The following TIAM1 variants were observed in gnomAD, a reference collection of about 807,000 sequenced individuals.
TIAM1 encodes the protein rho guanine nucleotide exchange factor TIAM1.
Under a neutral mutation model 163.5 loss-of-function variants are expected in TIAM1, and 65 were observed. The ratio of observed to expected loss-of-function variants is 0.40; its 90% CI spans 0.33 to 0.49. The LOEUF (loss-of-function observed/expected upper bound fraction) is 0.49, where lower values mean the gene tolerates loss of function less well. Ranked by LOEUF, TIAM1 falls within the 20% of genes least tolerant of loss-of-function variation. The probability of loss-of-function intolerance (pLI) is 0.77; values close to 1 mark genes in which losing one functional copy is unlikely to be tolerated. For missense variants in TIAM1, 1,789 were observed against 2,044.7 expected (o/e 0.87, Z 2.41); for synonymous variants, 833 against 810.1 (o/e 1.03, Z -0.48).
At chr21:31,460,619 C>T (rs758329739) in intron 2 of TIAM1, among the ~76,000 whole-genome samples, 1 of 152,172 alleles carries the variant, frequency 6.6e-6, no homozygotes, top group African/African-American at 2.4e-5. Context: ...GAGCGAGACT[C>T]TGTCTCAAAA....
chr21:31,245,429 A>G, intron 6 of TIAM1, 59 bp downstream of exon 6: 1 of 1,308,822 alleles, frequency 7.6e-7, no homozygotes. Context: ...CCTAGGCAAG[A>G]AAAGAAGGTA....
chr21:31,218,568 CA>C (rs112539898), intron 8 of TIAM1, among the ~76,000 whole-genome samples: 13 of 138,850 alleles, frequency 9.4e-5, no homozygotes, highest in Admixed American at 1.4e-4. Flanking sequence ...GACTCTTTCT[CA>C]AAAAAAAAAG....
chr21:31,197,214 G>C (rs1470110569), intron 12 of TIAM1, among the ~76,000 whole-genome samples: 2 of 152,012 alleles, frequency 1.3e-5, no homozygotes, highest in Non-Finnish European at 2.9e-5. Flanking sequence ...TAACAAACCT[G>C]CACATGTGCC....
chr21:31,217,530 T>C (rs561572308), intron 9 of TIAM1, 23 bp downstream of exon 9: 3 of 1,609,978 alleles, frequency 1.9e-6, no homozygotes, highest in African/African-American at 2.7e-5. Flanking sequence ...GCGGGCTCAC[T>C]TTTCATCTGC....
At chr21:31,556,005 A>G (rs1448257474) in intron 1 of TIAM1, among the ~76,000 whole-genome samples, 1 of 152,086 alleles carries the variant, frequency 6.6e-6, no homozygotes, top group African/African-American at 2.4e-5. Flanking sequence ...GGGAAAGGAG[A>G]GGAAGTCTTT....
intron 1 of TIAM1, among the ~76,000 whole-genome samples, chr21:31,488,203 C>T (rs1256197998): frequency 6.6e-6 from 1 of 152,144 alleles, no homozygotes; most frequent in Non-Finnish European, 1.5e-5. Flanking sequence ...TCTATGCCGA[C>T]GCTGGGCACA....
At chr21:31,218,711 C>T (rs1160283528) in intron 8 of TIAM1, among the ~76,000 whole-genome samples, 1 of 152,156 alleles carries the variant, frequency 6.6e-6, no homozygotes, top group African/African-American at 2.4e-5. Flanking sequence ...ATATTTGCAA[C>T]TTCCAGGAAC....
intron 2 of TIAM1, among the ~76,000 whole-genome samples, chr21:31,283,331 C>T (rs754985871): frequency 3.3e-5 from 5 of 152,146 alleles, no homozygotes; most frequent in South Asian, 4.1e-4. Flanking sequence ...AGCCACCAGA[C>T]CCCCAAGGGC....
rs1213422982 is a variant in TIAM1 at position 31,118,527 on chromosome 21, T to A, written c.*1841A>T. On this transcript the variant is annotated 3_prime_UTR_variant, in exon 28 of 28. Coordinates refer to ENST00000541036, the MANE Select transcript of TIAM1 (RefSeq NM_001353694.2). ...GCTTATAAAAGAAATATATAAGAACTTTTGACATAGACACGTCATGACCTT... is the reference window on the plus strand; with the variant it reads ...GCTTATAAAAGAAATATATAAGAACATTTGACATAGACACGTCATGACCTT... 6.5e-6 allele frequency: 3 copies of A among 460,144 alleles called. No individual in the cohort carries two copies. In the Admixed American group the frequency reaches 7.7e-5, roughly 12 times the overall value. 28.5% of individuals were successfully genotyped at this position (460,144 alleles called of 1,614,324 possible).
intron 2 of TIAM1, among the ~76,000 whole-genome samples, chr21:31,457,698 T>C (rs2147341264): frequency 7.9e-6 from 1 of 125,894 alleles, no homozygotes; most frequent in Non-Finnish European, 1.9e-5. Context: ...AGGTAAATGA[T>C]AAAGAATGGT....
chr21:31,459,823 T>C (rs1355621576), intron 2 of TIAM1, among the ~76,000 whole-genome samples: 1 of 152,154 alleles, frequency 6.6e-6, no homozygotes, highest in East Asian at 1.9e-4. Context: ...CTCTCTCTCA[T>C]ATTTTATTTG....
intron 6 of TIAM1, among the ~76,000 whole-genome samples, chr21:31,245,022 A>G (rs1025799848): frequency 6.6e-6 from 1 of 152,206 alleles, no homozygotes; most frequent in African/African-American, 2.4e-5. Context: ...GATGAGGAAG[A>G]GAAACTGTTT....
chr21:31,278,448 G>A (rs1349328358), intron 2 of TIAM1, among the ~76,000 whole-genome samples: 1 of 152,192 alleles, frequency 6.6e-6, no homozygotes, highest in Non-Finnish European at 1.5e-5. Flanking sequence ...AAGGCCTGAA[G>A]GGCCTCTTTG....
rs144805548 is a variant in TIAM1, at chr21:31,251,008, T to A, written c.1411+734A>T. 2.6e-3 allele frequency among the ~76,000 whole-genome samples: 395 copies of A among 152,328 alleles called. 5 individuals are homozygous for A. Among genetic ancestry groups the A allele is most frequent in the East Asian group, 0.018 (95 of 5,182 alleles). On this transcript the variant is annotated intron_variant, in intron 5 of 27. Transcript: ENST00000541036. ...TTCATAAACATGATGGTCTATACAA[T>A]CCATTAATATCAGGTTGAATCCTAT... is the stretch of plus-strand genomic sequence containing the variant.
chr21:31,164,339 G>A (rs535156631), intron 16 of TIAM1, among the ~76,000 whole-genome samples: 11 of 149,718 alleles, frequency 7.3e-5, no homozygotes, highest in Non-Finnish European at 8.8e-5. Context: ...GCAGTGAGCC[G>A]AGATCACGCC....
intron 2 of TIAM1, among the ~76,000 whole-genome samples, chr21:31,295,968 T>C (rs1425268901): frequency 6.6e-6 from 1 of 152,076 alleles, no homozygotes; most frequent in Non-Finnish European, 1.5e-5. Context: ...TGGCTAATTT[T>C]TTGTATGTTT....
At chr21:31,371,623 C>T (rs770654615) in intron 2 of TIAM1, among the ~76,000 whole-genome samples, 3 of 152,316 alleles carry the variant, frequency 2.0e-5, no homozygotes, top group Middle Eastern at 3.4e-3. Flanking sequence ...TTAAAAAGAA[C>T]TAAGGGTTGA....
At chr21:31,237,529 T>G (rs2070956704) in intron 6 of TIAM1, among the ~76,000 whole-genome samples, 1 of 152,222 alleles carries the variant, frequency 6.6e-6, no homozygotes, top group Non-Finnish European at 1.5e-5. Flanking sequence ...ATTTGCTATC[T>G]ATCAGACACT....
chr21:31,180,260 C>T (rs1020661448), intron 15 of TIAM1, among the ~76,000 whole-genome samples: 2 of 151,968 alleles, frequency 1.3e-5, no homozygotes, highest in African/African-American at 4.8e-5. Flanking sequence ...CGTGTCTATC[C>T]TTAAAAAAAC....
Sources: gnomAD v4.1 joint callset for allele counts (sites outside exome capture counted in the v4.1 genomes callset) on GRCh38, gnomAD v4.1.1 for gene constraint, MANE v1.5 for transcripts, NCBI Gene and HGNC (gene_info 2026-07-23, HGNC 2026-07-21) for gene names.